APOLD1: variants seen among roughly 807,000 people sequenced by gnomAD.
APOLD1 encodes apolipoprotein L domain-containing protein 1.
In APOLD1, 22 loss-of-function variants were observed where a neutral mutation model predicts 15.3. The ratio of observed to expected loss-of-function variants is 1.44; its 90% confidence interval spans 1.03 to 2.05. The LOEUF (loss-of-function observed/expected upper bound fraction) is 2.05. APOLD1 is among the 30% of genes most tolerant of loss of function. The pLI, the probability that APOLD1 is intolerant of heterozygous loss-of-function variation, is 0.00. For missense variants in APOLD1, 394 were observed against 353.5 expected, an observed-to-expected ratio of 1.11 and a Z score of -0.92; for synonymous variants, 190 against 167.4, an observed-to-expected ratio of 1.13 and a Z score of -1.04.
chr12:12,780,650 G>A (rs931330123), intron 1 of APOLD1, among the ~76,000 whole-genome samples: 1 of 148,058 alleles, frequency 6.8e-6, no homozygotes, highest in Non-Finnish European at 1.5e-5. Flanking sequence ...GTGCAGTGGA[G>A]CAATCTTGGC....
upstream of APOLD1, chr12:12,785,530 A>G (rs1378002761): frequency 8.3e-7 from 1 of 1,201,904 alleles, no homozygotes; most frequent in African/African-American, 1.5e-5. Context: ...CCACCATGTC[A>G]CGTCCTTCTA....
intron 1 of APOLD1, among the ~76,000 whole-genome samples, chr12:12,733,687 T>C (rs781060251): frequency 3.3e-5 from 5 of 152,128 alleles, no homozygotes; most frequent in Non-Finnish European, 2.9e-5. Flanking sequence ...ACTGCAACCT[T>C]CGCCTCCTGG....
intron 1 of APOLD1, among the ~76,000 whole-genome samples, chr12:12,744,228 G>C (rs1342659034): frequency 6.6e-6 from 1 of 151,154 alleles, no homozygotes; most frequent in East Asian, 1.9e-4. Context: ...AGGATCACTT[G>C]AGCCTAGGAG....
At chr12:12,726,891 G>A (rs547352455) in intron 1 of APOLD1, among the ~76,000 whole-genome samples, 1 of 152,186 alleles carries the variant, frequency 6.6e-6, no homozygotes, top group South Asian at 2.1e-4. Context: ...AAGAAAACAT[G>A]TGTTTTAATG....
At chr12:12,739,080 T>G (rs1286387311) in intron 1 of APOLD1, among the ~76,000 whole-genome samples, 2 of 151,996 alleles carry the variant, frequency 1.3e-5, no homozygotes, top group African/African-American at 4.8e-5. Context: ...AGGGACAGAT[T>G]TGGGGAGGGG....
chr12:12,737,518 C>T lies in APOLD1; in HGVS notation c.96+11422C>T, dbSNP rs561353850. ...ATATTTCTCGAACATAATAGCTTTACATATGAGCCCCTGCCAAACTGAGAC... is the reference window on the plus strand; with the variant it reads ...ATATTTCTCGAACATAATAGCTTTATATATGAGCCCCTGCCAAACTGAGAC... On this transcript the variant is annotated intron_variant, in intron 1 of 1. Coordinates refer to the APOLD1 transcript ENST00000326765. Among the ~76,000 whole-genome samples the T allele has an allele frequency of 2.0e-5, 3 of 152,328 alleles. No homozygotes were observed. The South Asian group carries it at 6.2e-4, about 32-fold the overall frequency.
chr12:12,763,861 GT>G (rs752875012), intron 1 of APOLD1, among the ~76,000 whole-genome samples: 19 of 152,020 alleles, frequency 1.2e-4, no homozygotes, highest in Non-Finnish European at 1.5e-4. Context: ...TTATTTTTAA[GT>G]TTTTTTTCCC....
chr12:12,736,788 G>A (rs1310143225), intron 1 of APOLD1, among the ~76,000 whole-genome samples: 1 of 152,172 alleles, frequency 6.6e-6, no homozygotes, highest in African/African-American at 2.4e-5. Flanking sequence ...TGCTTGGGCC[G>A]TTAGAGGGGA....
chr12:12,770,568 A>G (rs200476154), intron 1 of APOLD1, among the ~76,000 whole-genome samples: 1,201 of 54,894 alleles, frequency 0.022, 36 homozygotes, highest in East Asian at 0.11. Context: ...AAAAAGACTG[A>G]AAAAAAAAAA....
At chr12:12,748,984 G>A (rs1476560068) in intron 1 of APOLD1, among the ~76,000 whole-genome samples, 1 of 152,184 alleles carries the variant, frequency 6.6e-6, no homozygotes, top group Admixed American at 6.5e-5. Context: ...CTTCCCAGAT[G>A]TGGTAAGTGT....
At chr12:12,742,718 C>A (rs181822366) in intron 1 of APOLD1, among the ~76,000 whole-genome samples, 2 of 149,710 alleles carry the variant, frequency 1.3e-5, no homozygotes, top group African/African-American at 4.9e-5. Context: ...GAGCTGAGAT[C>A]GCGCCACTGC....
intron 1 of APOLD1, among the ~76,000 whole-genome samples, chr12:12,742,955 C>A (rs1052828015): frequency 3.3e-5 from 5 of 152,204 alleles, no homozygotes; most frequent in African/African-American, 1.2e-4. Flanking sequence ...AAGGTTTTGG[C>A]ATGCTGCCCT....
At chr12:12,780,338 G>A (rs944204299) in intron 1 of APOLD1, among the ~76,000 whole-genome samples, 4 of 150,602 alleles carry the variant, frequency 2.7e-5, no homozygotes, top group African/African-American at 9.8e-5. Context: ...TCACCTCCCA[G>A]GCTCAAACCA....
chr12:12,756,478 A>T (rs575759602), intron 1 of APOLD1, among the ~76,000 whole-genome samples: 1 of 152,280 alleles, frequency 6.6e-6, no homozygotes, highest in Non-Finnish European at 1.5e-5. Context: ...TGTATAGTGA[A>T]TTCCCTTTCC....
At chr12:12,740,734 C>A (rs1168140791) in intron 1 of APOLD1, among the ~76,000 whole-genome samples, 1 of 152,182 alleles carries the variant, frequency 6.6e-6, no homozygotes, top group Non-Finnish European at 1.5e-5. Flanking sequence ...GGAATGTGCC[C>A]AGTATTACCT....
intron 1 of APOLD1, among the ~76,000 whole-genome samples, chr12:12,746,378 C>T (rs780224431): frequency 1.5e-4 from 23 of 152,166 alleles, no homozygotes; most frequent in Admixed American, 2.6e-4. Flanking sequence ...TGCCTGTAAT[C>T]CCAGCTACTC....
rs944188614 is a variant in APOLD1, at chr12:12,766,516, G to C, written c.97-20393G>C. Among the ~76,000 whole-genome samples, 123 of 152,258 alleles carry C rather than the reference G, an allele frequency of 8.1e-4. 1 individual carries two copies. The highest frequency in any genetic ancestry group is 2.9e-3 in the African/African-American group (121 of 41,560). On this transcript the variant is annotated intron_variant, in intron 1 of 1. Coordinates refer to the APOLD1 transcript ENST00000326765. ...AAAATTTAAAAAGAGATTTCTGAGA[G>C]AGCCATAAAAAGGCAATAGTAAAAC...
chr12:12,784,956 A>G (rs932522157), upstream of APOLD1, among the ~76,000 whole-genome samples: 3 of 152,238 alleles, frequency 2.0e-5, no homozygotes. Context: ...TGGGAAGCCA[A>G]TGCCCTATTG....
chr12:12,772,320 GA>G (rs750883941), intron 1 of APOLD1, among the ~76,000 whole-genome samples: 1 of 152,188 alleles, frequency 6.6e-6, no homozygotes, highest in Non-Finnish European at 1.5e-5. Context: ...CTAATCAAAA[GA>G]AAGCAGAATT....
Sources: allele counts gnomAD v4.1 joint callset (sites outside exome capture counted in the v4.1 genomes callset), GRCh38; gene constraint gnomAD v4.1.1; transcripts MANE v1.5; gene names NCBI Gene and HGNC (gene_info 2026-07-23, HGNC 2026-07-21).